The following CWC22 variants were observed in gnomAD, a reference collection of about 807,000 sequenced individuals.
CWC22 encodes CWC22 spliceosome associated protein.
CWC22 carries 53 observed loss-of-function variants against 117.2 expected under a neutral mutation model. That is an observed-to-expected ratio of 0.45 (90% confidence interval 0.36 to 0.57). The LOEUF is 0.57. Among genes scored for constraint, CWC22 ranks in the 20% least tolerant of loss-of-function variants. CWC22 has a pLI of 0.00. For missense variants in CWC22, 980 were observed against 1,068.8 expected (o/e 0.92, Z 1.16); for synonymous variants, 360 against 355.6 (o/e 1.01, Z -0.14).
chr2:179,983,715 T>C (rs142870784), intron 4 of CWC22, among the ~76,000 whole-genome samples: 1 of 152,234 alleles, frequency 6.6e-6, no homozygotes, highest in Admixed American at 6.5e-5. Flanking sequence ...AGACAATCTG[T>C]ATACACCAAG....
chr2:179,981,846 C>T lies in CWC22; in HGVS notation c.358G>A (p.Asp120Asn), dbSNP rs1426974715. 6.2e-7 allele frequency: 1 copy of T among 1,613,788 alleles called. No homozygotes were observed. The highest frequency in any genetic ancestry group is 8.5e-7 in the Non-Finnish European group (1 of 1,179,812). Residue 120 changes from aspartate (D) to asparagine (N), a missense_variant, in exon 5 of 20, where the codon GAT becomes AAT. Physicochemically the swap from Asp to Asn is conservative, Grantham distance 23. This residue lies in a region of CWC22 where 559 missense variants were observed against 602.3 expected (regional missense o/e 0.93). Coordinates refer to ENST00000410053, the MANE Select transcript of CWC22 (RefSeq NM_020943.3). ...CGAGTAAGAAGAGGATCCAGCTCAT[C>T]TTTCTTTTTCTTTGTAGCAGGTTCA... Reference protein sequence around the residue: ...QDEPATKKKKDELDPLLTRTG... With the variant: ...QDEPATKKKKNELDPLLTRTG...
At chr2:179,991,520 G>A (rs569619722) in intron 2 of CWC22, among the ~76,000 whole-genome samples, 17 of 152,260 alleles carry the variant, frequency 1.1e-4, no homozygotes, top group Non-Finnish European at 2.5e-4. Context: ...AGCCACCCAC[G>A]GGCAGGCTGG....
intron 17 of CWC22, among the ~76,000 whole-genome samples, chr2:179,951,734 T>C (rs758852062): frequency 1.1e-4 from 16 of 151,676 alleles, no homozygotes; most frequent in Non-Finnish European, 1.9e-4. Flanking sequence ...AATAAGTAAG[T>C]ATATGAAGCC....
chr2:179,969,191 G>A (rs1686969472), intron 11 of CWC22, among the ~76,000 whole-genome samples: 1 of 152,130 alleles, frequency 6.6e-6, no homozygotes, highest in South Asian at 2.1e-4. Context: ...CAAATCAGGT[G>A]TATCTAAGAA....
chr2:180,001,116 C>G lies in CWC22; in HGVS notation c.-114+5751G>C, dbSNP rs541303839. On this transcript the variant is annotated intron_variant, in intron 1 of 19. Transcript: ENST00000410053. Reference sequence around the variant, plus strand: ...TAGTTTCAACATTTCAATAAGCTGTCTCTTGATTTACAGTACAGTATTGAT... The same window carrying G: ...TAGTTTCAACATTTCAATAAGCTGTGTCTTGATTTACAGTACAGTATTGAT... Among the ~76,000 whole-genome samples the G allele has an allele frequency of 2.6e-5, 4 of 152,174 alleles. No homozygotes were observed. The East Asian group carries it at 7.7e-4, about 29-fold the overall frequency.
chr2:179,997,663 T>C (rs1687742216), intron 1 of CWC22, among the ~76,000 whole-genome samples: 1 of 152,208 alleles, frequency 6.6e-6, no homozygotes, highest in Non-Finnish European at 1.5e-5. Context: ...ATATCCTTTA[T>C]TACCTTTAAA....
In CWC22 at chr2:179,964,537, G is replaced by A. The variant is rs769900170; in HGVS notation, c.1397+10C>T. ...ACAAAAAAAGGATGAACTGAGATAT[G>A]ATGCCTTACCTTGACTGAATAGCAA... On this transcript the variant is annotated intron_variant, in intron 13 of 19. Coordinates refer to ENST00000410053, the MANE Select transcript of CWC22 (RefSeq NM_020943.3). 1.4e-6 allele frequency: 2 copies of A among 1,480,368 alleles called. No individual in the cohort carries two copies. The highest frequency in any genetic ancestry group is 1.9e-6 in the Non-Finnish European group (2 of 1,080,560). The allele number at this position is 1,480,368 out of a possible 1,614,324, so 91.7% of individuals were successfully genotyped here.
In CWC22 at chr2:179,982,862, C is replaced by G. The variant is rs149339140; in HGVS notation, c.207-865G>C. On this transcript the variant is annotated intron_variant, in intron 4 of 19. Transcript: ENST00000410053. Reference sequence around the variant, plus strand: ...CTGAGCTGCTTTTTACATATACTGCCTTGGAAACCCAGATCATTCTGTTTG... The same window carrying G: ...CTGAGCTGCTTTTTACATATACTGCGTTGGAAACCCAGATCATTCTGTTTG... Among the ~76,000 whole-genome samples, 271 of 152,220 alleles carry G rather than the reference C, an allele frequency of 1.8e-3. 5 individuals carry two copies. Among genetic ancestry groups the G allele is most frequent in the African/African-American group, 5.7e-3 (235 of 41,546 alleles).
chr2:179,997,027 T>G (rs1575659407), intron 1 of CWC22, among the ~76,000 whole-genome samples: 1 of 152,110 alleles, frequency 6.6e-6, no homozygotes, highest in African/African-American at 2.4e-5. Flanking sequence ...ATGGAAACTG[T>G]TTTTCAGAAA....
At chr2:179,989,302 G>A (rs1009672548) in intron 2 of CWC22, among the ~76,000 whole-genome samples, 1 of 151,484 alleles carries the variant, frequency 6.6e-6, no homozygotes. Flanking sequence ...CTGTTGCCCA[G>A]GCTGGAGTGC....
intron 1 of CWC22, among the ~76,000 whole-genome samples, chr2:180,001,822 CT>C (rs1361814902): frequency 6.6e-6 from 1 of 152,240 alleles, no homozygotes; most frequent in Non-Finnish European, 1.5e-5. Context: ...CACTTGTCAA[CT>C]TACAGGGACA....
In CWC22 at chr2:179,970,957, T is replaced by A. The variant is rs747008125; in HGVS notation, c.924A>T (p.Ser308=). The change falls in exon 9 of 20, where the codon TCA becomes TCT. Residue 308 remains serine (S), a synonymous_variant. Transcript: ENST00000410053. ...TACACTTACCATTGATTCCTCTTGG[T>A]GACACTTGTGTTAATTTGAGGCCAC... ...KECGLKLTQV[S]PRGINAIFER... is the part of the protein sequence containing the mutation. 4 of 1,612,734 alleles carry A rather than the reference T, an allele frequency of 2.5e-6. No individual in the cohort carries two copies. In the Admixed American group the frequency reaches 5.0e-5, roughly 20 times the overall value.
Position 179,978,112 on chromosome 2 carries a change from T to C in CWC22, c.581+78A>G, listed in dbSNP as rs1435985689. The C allele has an allele frequency of 5.4e-6, 7 of 1,292,528 alleles. No homozygotes were observed. In the South Asian group the frequency reaches 1.6e-4, roughly 29 times the overall value. The allele number at this position is 1,292,528 out of a possible 1,614,324, so 80.1% of individuals were successfully genotyped here. ...GAAATGAAGTAGCACAATAAATCAATGATTATTGTTCATGTAGATATTATA... is the reference window on the plus strand; with the variant it reads ...GAAATGAAGTAGCACAATAAATCAACGATTATTGTTCATGTAGATATTATA... On this transcript the variant is annotated intron_variant, in intron 6 of 19. Coordinates refer to ENST00000410053, the MANE Select transcript of CWC22 (RefSeq NM_020943.3).
intron 3 of CWC22, among the ~76,000 whole-genome samples, chr2:179,987,317 T>C (rs1291818211): frequency 2.0e-5 from 3 of 152,176 alleles, no homozygotes; most frequent in East Asian, 3.8e-4. Flanking sequence ...CAAGGATGGA[T>C]AGCATCAGAT....
chr2:179,980,877 C>A (rs1273188258), intron 5 of CWC22, among the ~76,000 whole-genome samples: 1 of 152,180 alleles, frequency 6.6e-6, no homozygotes. Context: ...ACTGAATAAT[C>A]ATTTCAATCT....
chr2:179,971,990 C>G (rs149793989), intron 8 of CWC22, among the ~76,000 whole-genome samples: 12 of 152,204 alleles, frequency 7.9e-5, no homozygotes, highest in African/African-American at 2.9e-4. Context: ...TTTATCATAT[C>G]GAGTGTTTCA....
intron 4 of CWC22, among the ~76,000 whole-genome samples, chr2:179,983,878 G>A (rs1259372695): frequency 1.3e-5 from 2 of 152,116 alleles, no homozygotes; most frequent in South Asian, 4.1e-4. Context: ...GGGATTTCCT[G>A]ACATTGGTTA....
At chr2:179,963,836 C>T (rs1040664197) in intron 13 of CWC22, among the ~76,000 whole-genome samples, 9 of 152,122 alleles carry the variant, frequency 5.9e-5, no homozygotes, top group African/African-American at 1.2e-4. Context: ...ATATACTAAA[C>T]CTAGTAATGA....
chr2:179,981,963 T>C lies in CWC22; in HGVS notation c.241A>G (p.Arg81Gly), dbSNP rs1257044842. ...RDREKRRERERDTDRKRSRKS... is the reference protein window; with the variant it reads ...RDREKRREREGDTDRKRSRKS... ...CGAGACCTTTTCCGATCCGTATCTC[T>C]TTCTCTTTCTCTGCGTTTTTCTCGG... Residue 81 changes from arginine (R) to glycine (G), a missense_variant, in exon 5 of 20, where the codon AGA (arginine) becomes GGA (glycine). Coordinates refer to ENST00000410053, the MANE Select transcript of CWC22 (RefSeq NM_020943.3). 2 of 1,552,708 alleles carry C rather than the reference T, an allele frequency of 1.3e-6. No individual in the cohort carries two copies. Among genetic ancestry groups the C allele is most frequent in the Non-Finnish European group, 1.7e-6 (2 of 1,146,854 alleles).
Sources: gnomAD v4.1 joint callset for allele counts (sites outside exome capture counted in the v4.1 genomes callset) on GRCh38, gnomAD v4.1.1 for gene constraint, gnomAD v4.1.1 regional missense constraint, MANE v1.5 for transcripts, NCBI Gene and HGNC (gene_info 2026-07-23, HGNC 2026-07-21) for gene names.